The following PHC2 variants were observed in gnomAD, a reference collection of about 807,000 sequenced individuals.
PHC2 encodes the protein polyhomeotic-like protein 2.
In PHC2, 29 loss-of-function variants were observed where a neutral mutation model predicts 87.4. The ratio of observed to expected loss-of-function variants is 0.33; its 90% CI spans 0.25 to 0.45. The LOEUF is 0.45. Among genes scored for constraint, PHC2 ranks in the 20% least tolerant of loss-of-function variants. PHC2 has a pLI of 1.00. For missense variants in PHC2, 857 were observed against 1,136.7 expected (o/e 0.75, Z 3.54); for synonymous variants, 438 against 461.7 (o/e 0.95, Z 0.66).
intron 1 of PHC2, among the ~76,000 whole-genome samples, chr1:33,418,422 C>T (rs892742049): frequency 3.3e-5 from 5 of 152,008 alleles, no homozygotes; most frequent in Non-Finnish European, 4.4e-5. Flanking sequence ...TGAAAGAAAT[C>T]TTATAGACAT....
chr1:33,370,681 G>C (rs1217370302), intron 4 of PHC2, 96 bp from the exon 5 acceptor site: 1 of 1,227,660 alleles, frequency 8.1e-7, no homozygotes. Context: ...TTTGCTCCTT[G>C]GTTTATTCAG....
At chr1:33,373,396 C>T (rs754749752) in intron 2 of PHC2, among the ~76,000 whole-genome samples, 1 of 152,186 alleles carries the variant, frequency 6.6e-6, no homozygotes, top group Non-Finnish European at 1.5e-5. Flanking sequence ...GCTGGGATTA[C>T]AGGCGTGAGC....
chr1:33,400,071 CTCAT>C (rs1649459977), intron 1 of PHC2, among the ~76,000 whole-genome samples: 2 of 151,760 alleles, frequency 1.3e-5, no homozygotes, highest in East Asian at 3.9e-4. Flanking sequence ...GATGTTTAAT[CTCAT>C]TCATATCTAA....
chr1:33,383,377 A>T (rs538959612), intron 1 of PHC2, among the ~76,000 whole-genome samples: 1 of 152,344 alleles, frequency 6.6e-6, no homozygotes, highest in African/African-American at 2.4e-5. Context: ...AATAGAAGTG[A>T]AGGATGAGGA....
At chr1:33,400,102 C>A (rs1649460883) in intron 1 of PHC2, among the ~76,000 whole-genome samples, 1 of 151,660 alleles carries the variant, frequency 6.6e-6, no homozygotes, top group Non-Finnish European at 1.5e-5. Context: ...GCAGGACAAA[C>A]TAAGTATAAG....
intron 9 of PHC2, chr1:33,345,116 G>A (rs927980130): frequency 1.3e-5 from 2 of 152,124 alleles, no homozygotes; most frequent in Non-Finnish European, 2.9e-5. Flanking sequence ...AAGCAGTCAC[G>A]AACTTTCATT....
Position 33,349,037 on chromosome 1 carries a change from A to T in PHC2, c.1558+5364T>A. ...AATCCCGATTTTAATGTAAAGAAGC[A>T]ACAAATATAGTCTACCTTCATTTGG... On this transcript the variant is annotated intron_variant, in intron 9 of 14. Transcript: ENST00000683057. This position sits in a 1 kb window ranked among gnomAD's most constrained non-coding sequence, Gnocchi z 4.2. 1 of 974,554 alleles carries T rather than the reference A, an allele frequency of 1.0e-6. No homozygotes were observed. Among genetic ancestry groups the T allele is most frequent in the Non-Finnish European group, 1.2e-6 (1 of 820,094 alleles). 60.4% of individuals were successfully genotyped at this position (974,554 alleles called of 1,614,324 possible). A position where few individuals can be genotyped will look rare whatever the true frequency, so the allele number is the denominator to read the frequency against.
In PHC2 at chr1:33,355,053, C is replaced by T; in HGVS notation, c.1177G>A (p.Ala393Thr). 1 of 1,613,472 alleles carries T rather than the reference C, an allele frequency of 6.2e-7. No individual in the cohort carries two copies. The highest frequency in any genetic ancestry group is 8.5e-7 in the Non-Finnish European group (1 of 1,179,888). Reference protein sequence around the residue: ...PSVALQPSSEAHAMPLGPVTP... With the variant: ...PSVALQPSSETHAMPLGPVTP... ...ACCGGGCCTAGTGGCATGGCATGGG[C>T]CTCTGAGCTGGGCTGGAGGGCCACG... Residue 393 changes from alanine to threonine, a missense_variant, in exon 8 of 15, where the codon GCC becomes ACC. Ala to Thr is a moderately conservative substitution (Grantham distance 58). This residue lies in a region of PHC2 where 832 missense variants were observed against 1,081.8 expected (regional missense o/e 0.77). Coordinates refer to ENST00000683057, the MANE Select transcript of PHC2 (RefSeq NM_001385109.1).
rs1646505448 is a variant in PHC2 at position 33,331,851 on chromosome 1, C to T, written c.1892-389G>A. ...AGCTGGCTGCTGACCCAGTAAAAGA[C>T]CTCAGGAGCCCACGCTCCTGCAGCT... On this transcript the variant is annotated intron_variant, in intron 11 of 14. Transcript: ENST00000683057. The surrounding 1 kb of genome is among the most constrained non-coding windows in gnomAD (Gnocchi z 5.2). Among the ~76,000 whole-genome samples, 1 of 152,262 alleles carries T rather than the reference C, an allele frequency of 6.6e-6. No individual in the cohort carries two copies. The highest frequency in any genetic ancestry group is 2.1e-4 in the South Asian group (1 of 4,838).
chr1:33,358,228 T>C (rs368481783), intron 7 of PHC2, among the ~76,000 whole-genome samples: 18 of 152,186 alleles, frequency 1.2e-4, no homozygotes, highest in African/African-American at 3.9e-4. Flanking sequence ...ACATTTGTTT[T>C]CCCAAAAGAC....
intron 12 of PHC2, among the ~76,000 whole-genome samples, 194 bp from the exon 13 acceptor site, chr1:33,330,406 G>A (rs1048137872): frequency 6.6e-6 from 1 of 152,210 alleles, no homozygotes; most frequent in African/African-American, 2.4e-5. Flanking sequence ...TTCCTTATCT[G>A]GAGTTGGGGG....
At chr1:33,363,746 A>G (rs1647273469) in intron 7 of PHC2, 1 of 984,970 alleles carries the variant, frequency 1.0e-6, no homozygotes. Context: ...TTTGGGCCTG[A>G]GTGTGCACCC....
intron 7 of PHC2, chr1:33,363,825 A>G (rs1647276285): frequency 1.0e-6 from 1 of 984,872 alleles, no homozygotes. Flanking sequence ...GCTGTGGCCC[A>G]CTCCCTTAGG....
chr1:33,348,078 TAA>T (rs1646879265), intron 9 of PHC2, among the ~76,000 whole-genome samples: 1 of 152,248 alleles, frequency 6.6e-6, no homozygotes, highest in Non-Finnish European at 1.5e-5. Flanking sequence ...ATGTTAAATC[TAA>T]CTGAATGAAA....
intron 1 of PHC2, among the ~76,000 whole-genome samples, chr1:33,389,185 G>A (rs932547079): frequency 1.3e-5 from 2 of 152,094 alleles, no homozygotes; most frequent in Non-Finnish European, 2.9e-5. Context: ...GCAGGGTGTG[G>A]GGGGTGCGAA....
At chr1:33,372,183 G>C in intron 3 of PHC2, 106 bp downstream of exon 3, 1 of 1,149,204 alleles carries the variant, frequency 8.7e-7, no homozygotes, top group Non-Finnish European at 1.2e-6. Flanking sequence ...TTAGGTTGCA[G>C]GTAAGAGAAG....
rs1646930376 is a variant in PHC2, at chr1:33,349,861, G to A, written c.1558+4540C>T. The A allele has an allele frequency of 1.0e-6, 1 of 977,514 alleles. No individual in the cohort carries two copies. The highest frequency in any genetic ancestry group is 1.2e-6 in the Non-Finnish European group (1 of 825,894). The allele number at this position is 977,514 out of a possible 1,614,324, so 60.6% of individuals were successfully genotyped here. A position where few individuals can be genotyped will look rare whatever the true frequency, so the allele number is the denominator to read the frequency against. ...GGCCGGGGTTGCGCGCGCGCGCGCG[G>A]CGGGCGCTCGAGGGCTGCAGCCGCC... On this transcript the variant is annotated intron_variant, in intron 9 of 14. Transcript: ENST00000683057. The surrounding 1 kb of genome is among the most constrained non-coding windows in gnomAD (Gnocchi z 4.2).
chr1:33,354,594 GC>G, intron 8 of PHC2, 28 bp from the exon 9 acceptor site: 1 of 1,596,616 alleles, frequency 6.3e-7, no homozygotes, highest in Non-Finnish European at 8.5e-7. Context: ...AGAGAGGGGG[GC>G]CTCTCAGAAA....
intron 1 of PHC2, among the ~76,000 whole-genome samples, chr1:33,383,464 G>A (rs970784600): frequency 2.6e-5 from 4 of 152,236 alleles, no homozygotes; most frequent in Non-Finnish European, 5.9e-5. Flanking sequence ...AAATTTAAAT[G>A]AGTAAACTTT....
Sources: allele counts gnomAD v4.1 joint callset (sites outside exome capture counted in the v4.1 genomes callset), GRCh38; gene constraint gnomAD v4.1.1; regional missense constraint gnomAD v4.1.1; non-coding constraint Gnocchi (gnomAD v3.1); transcripts MANE v1.5; gene names NCBI Gene and HGNC (gene_info 2026-07-23, HGNC 2026-07-21).